ATIC: variants seen among roughly 807,000 people sequenced by gnomAD.
ATIC encodes bifunctional purine biosynthesis protein ATIC.
A neutral mutation model predicts 72.5 loss-of-function variants in ATIC; 64 were observed. That is an observed-to-expected ratio of 0.88 (90% CI 0.72 to 1.09). ATIC has a LOEUF of 1.09. ATIC is among the 50% of genes least tolerant of loss of function. ATIC has a pLI of 0.00. For missense variants in ATIC, 787 were observed against 732.4 expected (o/e 1.07, Z -0.86); for synonymous variants, 281 against 267.1 (o/e 1.05, Z -0.51).
rs138430997 is a variant in ATIC, at chr2:215,330,124, G to T, written c.689-2258G>T. 4.0e-3 allele frequency among the ~76,000 whole-genome samples: 613 copies of T among 152,276 alleles called. 5 individuals are homozygous for T. The highest frequency in any genetic ancestry group is 0.013 in the African/African-American group (557 of 41,548). On this transcript the variant is annotated intron_variant, in intron 7 of 15. Coordinates refer to ENST00000236959, the MANE Select transcript of ATIC (RefSeq NM_004044.7). ...AGTTTTCTCCCACTTATCAACCTTA[G>T]CCTAAACCATCTATGAGGAGTGGGA...
chr2:215,322,172 G>A (rs2106000861), intron 4 of ATIC, among the ~76,000 whole-genome samples: 1 of 152,068 alleles, frequency 6.6e-6, no homozygotes, highest in East Asian at 1.9e-4. Context: ...CAAAGTGCTG[G>A]GATTACAGGC....
the ATIC span, chr2:215,367,605 C>A: frequency 4.1e-6 from 2 of 484,820 alleles, no homozygotes; most frequent in Non-Finnish European, 7.5e-6. Context: ...TTTCAAAAAT[C>A]AAATTAGCAC....
At chr2:215,355,824 C>T in the ATIC span, among the ~76,000 whole-genome samples, 1 of 152,192 alleles carries the variant, frequency 6.6e-6, no homozygotes, top group Non-Finnish European at 1.5e-5. Context: ...CCATCTTTCC[C>T]TCGAGGAAAT....
the ATIC span, chr2:215,361,858 GTTGT>G: frequency 1.4e-6 from 2 of 1,383,602 alleles, no homozygotes; most frequent in Non-Finnish European, 2.0e-6. Context: ...TCATTTATGA[GTTGT>G]TTTTTTTTTT....
rs1171620157 is a variant in ATIC at position 215,325,932 on chromosome 2, G to A, written c.380-55G>A. 1.1e-5 allele frequency: 17 copies of A among 1,589,372 alleles called. No individual in the cohort carries two copies. In the South Asian group the frequency reaches 1.3e-4, roughly 12 times the overall value. On this transcript the variant is annotated intron_variant, in intron 5 of 15. Coordinates refer to ENST00000236959, the MANE Select transcript of ATIC (RefSeq NM_004044.7). ...ATGCACAATGACTTTATTTAAAAGC[G>A]GTTCATAAGCTGATAGGGACATACA...
At position 215,333,601 on chromosome 2, in the gene ATIC, GTAAATA is replaced by G. The variant is rs1298460931; in HGVS notation, c.922+147_922+152del. On this transcript the variant is annotated intron_variant, in intron 9 of 15. Coordinates refer to ENST00000236959, the MANE Select transcript of ATIC (RefSeq NM_004044.7). ...TGAAATTAAGGACTTCTATCTCTAT[GTAAATA>G]TACAGTTATTCTATATAATATAGTT... 7 of 554,652 alleles carry G rather than the reference GTAAATA, an allele frequency of 1.3e-5. No homozygotes were observed. The African/African-American group carries it at 1.3e-4, about 10-fold the overall frequency. The allele number at this position is 554,652 out of a possible 1,614,324, so 34.4% of individuals were successfully genotyped here.
chr2:215,352,427 CAA>C (rs2106053814), downstream of ATIC, among the ~76,000 whole-genome samples: 1 of 152,042 alleles, frequency 6.6e-6, no homozygotes, highest in East Asian at 1.9e-4. Flanking sequence ...ACTAAAATTA[CAA>C]AAATTAGCCA....
chr2:215,361,987 G>A, the ATIC span: 1 of 1,612,990 alleles, frequency 6.2e-7, no homozygotes, highest in Middle Eastern at 1.7e-4. Context: ...TTCTCTGATG[G>A]TATCTCTGAG....
At chr2:215,333,822 C>A (rs983612846) in intron 9 of ATIC, among the ~76,000 whole-genome samples, 1 of 151,952 alleles carries the variant, frequency 6.6e-6, no homozygotes, top group African/African-American at 2.4e-5. Context: ...GCGGGCAGAT[C>A]ACGAGGTCAG....
At chr2:215,344,922 A>G (rs748770647) in intron 13 of ATIC, 51 bp downstream of exon 13, 8 of 1,524,784 alleles carry the variant, frequency 5.2e-6, no homozygotes, top group Non-Finnish European at 5.4e-6. Flanking sequence ...TTACGAAATG[A>G]TATTTAAACA....
chr2:215,359,081 G>A, the ATIC span, among the ~76,000 whole-genome samples: 12 of 151,974 alleles, frequency 7.9e-5, no homozygotes, highest in Non-Finnish European at 1.3e-4. Flanking sequence ...CAGGGGTCTC[G>A]CTATGTTACC....
At chr2:215,366,857 C>T in the ATIC span, among the ~76,000 whole-genome samples, 1 of 152,136 alleles carries the variant, frequency 6.6e-6, no homozygotes, top group Non-Finnish European at 1.5e-5. Context: ...AGTTAAAAAC[C>T]ATCTACTTGA....
intron 7 of ATIC, among the ~76,000 whole-genome samples, chr2:215,327,300 G>T (rs150325874): frequency 1.3e-5 from 2 of 152,156 alleles, no homozygotes; most frequent in Non-Finnish European, 2.9e-5. Context: ...GTAAAGGCTT[G>T]GTAGGTGTAC....
the ATIC span, chr2:215,367,912 C>T: frequency 3.7e-6 from 6 of 1,614,024 alleles, no homozygotes; most frequent in South Asian, 6.6e-5. Context: ...AGCACTGGCA[C>T]AACAGTTTAA....
intron 3 of ATIC, among the ~76,000 whole-genome samples, chr2:215,319,101 G>A (rs893532907): frequency 3.9e-5 from 6 of 151,970 alleles, no homozygotes; most frequent in Non-Finnish European, 7.4e-5. Flanking sequence ...GGCTGGTCTC[G>A]AACACCTGGG....
chr2:215,315,904 G>A (rs1320434178), intron 2 of ATIC, among the ~76,000 whole-genome samples: 6 of 151,194 alleles, frequency 4.0e-5, no homozygotes, highest in Admixed American at 1.3e-4. Flanking sequence ...GCAGTGAGCC[G>A]AGATTCCACC....
chr2:215,366,720 A>C, the ATIC span, among the ~76,000 whole-genome samples: 2 of 152,254 alleles, frequency 1.3e-5, no homozygotes, highest in African/African-American at 4.8e-5. Context: ...TGTGATATCA[A>C]AACAAAGATT....
chr2:215,362,291 C>CTA, the ATIC span: 1 of 566,636 alleles, frequency 1.8e-6, no homozygotes, highest in Non-Finnish European at 3.2e-6. Context: ...ATCTGTCTCT[C>CTA]TATGTTGTTT....
chr2:215,360,409 G>A, the ATIC span: 1 of 151,998 alleles, frequency 6.6e-6, no homozygotes, highest in Non-Finnish European at 1.5e-5. Context: ...CATACCATGG[G>A]GTTTCCCTAA....
Sources: gnomAD v4.1 joint callset for allele counts (sites outside exome capture counted in the v4.1 genomes callset) on GRCh38, gnomAD v4.1.1 for gene constraint, MANE v1.5 for transcripts, NCBI Gene and HGNC (gene_info 2026-07-23, HGNC 2026-07-21) for gene names.